KIAA1217: variants seen among roughly 807,000 people sequenced by gnomAD.
KIAA1217 encodes KIAA1217.
In KIAA1217, 88 loss-of-function variants were observed where a neutral mutation model predicts 163.9. That is an observed-to-expected ratio of 0.54 (90% CI 0.45 to 0.64). KIAA1217 has a LOEUF of 0.64. Ranked by LOEUF, KIAA1217 falls within the 30% of genes least tolerant of loss-of-function variation. The pLI is 0.00. For missense variants in KIAA1217, 2,372 were observed against 2,475.0 expected (o/e 0.96, Z 0.88); for synonymous variants, 903 against 923.1 (o/e 0.98, Z 0.39).
intron 5 of KIAA1217, among the ~76,000 whole-genome samples, chr10:24,472,006 T>C (rs147240730): frequency 2.6e-5 from 4 of 151,954 alleles, no homozygotes; most frequent in Non-Finnish European, 5.9e-5. Context: ...GATTAACGCA[T>C]AGCTTGAATG....
chr10:24,466,912 G>T, intron 5 of KIAA1217: 1 of 449,404 alleles, frequency 2.2e-6, no homozygotes, highest in Non-Finnish European at 2.9e-6. Flanking sequence ...ACTTGGAAGG[G>T]TGGGGTTTGA....
chr10:24,165,751 C>T (rs1476922161), intron 2 of KIAA1217, among the ~76,000 whole-genome samples: 2 of 152,134 alleles, frequency 1.3e-5, no homozygotes, highest in African/African-American at 4.8e-5. Flanking sequence ...AAGGCCATAA[C>T]TGGAAAAATT....
intron 1 of KIAA1217, among the ~76,000 whole-genome samples, chr10:23,826,965 G>T (rs1370135950): frequency 6.6e-6 from 1 of 152,052 alleles, no homozygotes; most frequent in Non-Finnish European, 1.5e-5. Context: ...CTTGTCATGG[G>T]CACTATGGAC....
intron 2 of KIAA1217, among the ~76,000 whole-genome samples, chr10:24,031,806 C>T (rs190069229): frequency 2.0e-5 from 3 of 152,280 alleles, no homozygotes; most frequent in Admixed American, 2.0e-4. Flanking sequence ...TTGATGATCA[C>T]ATGATTTTCA....
intron 2 of KIAA1217, among the ~76,000 whole-genome samples, chr10:24,067,431 A>G (rs1162023709): frequency 2.0e-5 from 3 of 152,176 alleles, no homozygotes; most frequent in African/African-American, 4.8e-5. Context: ...TTGCCTGGGT[A>G]TCAGCAGCGG....
chr10:23,712,455 G>C (rs1432633882), intron 1 of KIAA1217, among the ~76,000 whole-genome samples: 2 of 151,930 alleles, frequency 1.3e-5, no homozygotes, highest in Non-Finnish European at 2.9e-5. Flanking sequence ...TTATTGCAGA[G>C]CAGTGCAGTC....
intron 1 of KIAA1217, among the ~76,000 whole-genome samples, chr10:23,790,480 C>CATATATACATATGT (rs1835817453): frequency 9.8e-6 from 1 of 102,006 alleles, no homozygotes; most frequent in Non-Finnish European, 1.8e-5. Flanking sequence ...TATACATGTG[C>CATATATACATATGT]ATATATACAT....
intron 2 of KIAA1217, among the ~76,000 whole-genome samples, chr10:24,266,790 A>C (rs1467640458): frequency 6.6e-6 from 1 of 152,212 alleles, no homozygotes; most frequent in African/African-American, 2.4e-5. Context: ...AAATAAGGGA[A>C]TAAATGCTGG....
At chr10:24,323,229 T>C (rs1327065355) in intron 2 of KIAA1217, among the ~76,000 whole-genome samples, 1 of 152,232 alleles carries the variant, frequency 6.6e-6, no homozygotes, top group Non-Finnish European at 1.5e-5. Context: ...CTTCTTTTTA[T>C]TTGTGTACCT....
At chr10:24,167,282 TGC>T (rs1231057711) in intron 2 of KIAA1217, among the ~76,000 whole-genome samples, 139 of 71,412 alleles carry the variant, frequency 1.9e-3, no homozygotes, top group African/African-American at 8.0e-3. Context: ...GGTGTGTATG[TGC>T]GTGTGTGTGT....
At position 24,339,030 on chromosome 10, in the gene KIAA1217, A is replaced by T. The variant is rs11818822; in HGVS notation, c.355-41839A>T. 1.6e-3 allele frequency among the ~76,000 whole-genome samples: 245 copies of T among 152,330 alleles called. 2 individuals carry two copies. Among genetic ancestry groups the T allele is most frequent in the African/African-American group, 5.8e-3 (242 of 41,584 alleles). Reference sequence around the variant, plus strand: ...TTGAAGCTTGATTTCCTGATCTGTAAAACTGAAGATTCCATATTTTTCTCA... The same window carrying T: ...TTGAAGCTTGATTTCCTGATCTGTATAACTGAAGATTCCATATTTTTCTCA... On this transcript the variant is annotated intron_variant, in intron 2 of 20. Coordinates refer to ENST00000376454, the MANE Select transcript of KIAA1217 (RefSeq NM_019590.5).
intron 1 of KIAA1217, among the ~76,000 whole-genome samples, chr10:23,991,104 T>G (rs754410715): frequency 6.6e-6 from 1 of 152,212 alleles, no homozygotes; most frequent in Non-Finnish European, 1.5e-5. Flanking sequence ...GATTGTCAAA[T>G]TCTGCATCCA....
intron 1 of KIAA1217, among the ~76,000 whole-genome samples, chr10:23,811,635 A>C (rs138295883): frequency 2.7e-3 from 406 of 152,072 alleles, no homozygotes; most frequent in African/African-American, 7.7e-3. Context: ...TAGATGTACA[A>C]CTTGGGAAAT....
chr10:24,071,655 T>C (rs2061190712), intron 2 of KIAA1217, among the ~76,000 whole-genome samples: 1 of 152,334 alleles, frequency 6.6e-6, no homozygotes, highest in East Asian at 1.9e-4. Context: ...CAGCCTAGTA[T>C]GGATTCACTC....
intron 1 of KIAA1217, among the ~76,000 whole-genome samples, chr10:23,922,009 C>T (rs886713190): frequency 2.6e-5 from 4 of 151,936 alleles, no homozygotes; most frequent in Admixed American, 6.6e-5. Context: ...GCCAGAGGTA[C>T]CAGCCATGTG....
chr10:23,816,005 A>G (rs1043613470), intron 1 of KIAA1217, among the ~76,000 whole-genome samples: 2 of 152,204 alleles, frequency 1.3e-5, no homozygotes, highest in African/African-American at 2.4e-5. Flanking sequence ...TTACATTGAA[A>G]TTAATAAAAG....
intron 1 of KIAA1217, among the ~76,000 whole-genome samples, chr10:24,005,534 C>T (rs1421321766): frequency 2.6e-5 from 4 of 152,126 alleles, no homozygotes; most frequent in African/African-American, 4.8e-5. Flanking sequence ...TCACACTGAC[C>T]TGGGTTCAAA....
chr10:24,001,190 T>G (rs534377196), intron 1 of KIAA1217, among the ~76,000 whole-genome samples: 22 of 152,344 alleles, frequency 1.4e-4, no homozygotes, highest in African/African-American at 5.3e-4. Context: ...ATATAATCAC[T>G]GTCTTTATGT....
chr10:24,078,122 C>G (rs975494467), intron 2 of KIAA1217, among the ~76,000 whole-genome samples: 4 of 152,178 alleles, frequency 2.6e-5, no homozygotes, highest in Non-Finnish European at 5.9e-5. Context: ...CAAACATTTT[C>G]TCTCATTCTG....
Sources: gnomAD v4.1 joint callset for allele counts (sites outside exome capture counted in the v4.1 genomes callset) on GRCh38, gnomAD v4.1.1 for gene constraint, MANE v1.5 for transcripts, NCBI Gene and HGNC (gene_info 2026-07-23, HGNC 2026-07-21) for gene names.